The following SCUBE1 variants were observed in gnomAD, a reference collection of about 807,000 sequenced individuals.
SCUBE1 encodes the protein signal peptide, CUB domain and EGF like domain containing 1.
In SCUBE1, 59 loss-of-function variants were observed where a neutral mutation model predicts 124.4. That is an observed-to-expected ratio of 0.47 (90% confidence interval 0.38 to 0.59). SCUBE1 has a LOEUF of 0.59. SCUBE1 is among the 20% of genes least tolerant of loss of function. The pLI is 0.00. For missense variants in SCUBE1, 1,150 were observed against 1,371.2 expected, an observed-to-expected ratio of 0.84 and a Z score of 2.55; for synonymous variants, 545 against 550.9, an observed-to-expected ratio of 0.99 and a Z score of 0.15.
chr22:43,203,340 TA>T lies in SCUBE1; in HGVS notation c.*656del, dbSNP rs1921081956. 1 of 149,824 alleles carries T rather than the reference TA, an allele frequency of 6.7e-6. No individual in the cohort carries two copies. Among genetic ancestry groups the T allele is most frequent in the African/African-American group, 2.4e-5 (1 of 40,982 alleles). 9.3% of individuals were successfully genotyped at this position (149,824 alleles called of 1,614,324 possible). Reference sequence around the variant, plus strand: ...TTACAGTGACCAAAGGGCATTTTCCTAAAGTACCCACAAATAGAAGTATATA... The same window carrying T: ...TTACAGTGACCAAAGGGCATTTTCCTAAGTACCCACAAATAGAAGTATATA... On this transcript the variant is annotated 3_prime_UTR_variant, in exon 22 of 22. Transcript: ENST00000360835.
chr22:43,286,205 C>T (rs1465760809), intron 4 of SCUBE1, among the ~76,000 whole-genome samples: 1 of 152,234 alleles, frequency 6.6e-6, no homozygotes, highest in East Asian at 1.9e-4. Context: ...CCCTACGAAG[C>T]AGGTATTATG....
intron 4 of SCUBE1, among the ~76,000 whole-genome samples, chr22:43,274,129 C>T (rs1472617962): frequency 6.6e-6 from 1 of 152,162 alleles, no homozygotes; most frequent in African/African-American, 2.4e-5. Context: ...AGGTCTTGCA[C>T]CAGAGAAGTC....
At chr22:43,280,298 C>T (rs150335352) in intron 4 of SCUBE1, among the ~76,000 whole-genome samples, 13 of 152,100 alleles carry the variant, frequency 8.5e-5, no homozygotes, top group Non-Finnish European at 1.3e-4. Flanking sequence ...CTATGTGACG[C>T]GGGTAACAGG....
At chr22:43,253,446 T>C (rs1923536023) in intron 6 of SCUBE1, among the ~76,000 whole-genome samples, 2 of 151,994 alleles carry the variant, frequency 1.3e-5, no homozygotes, top group South Asian at 4.2e-4. Flanking sequence ...GGAGGAGAAG[T>C]CTCTTCTGTC....
intron 15 of SCUBE1, among the ~76,000 whole-genome samples, chr22:43,217,187 C>T (rs1050369319): frequency 4.7e-5 from 7 of 149,374 alleles, no homozygotes; most frequent in South Asian, 2.2e-4. Context: ...TCTTCTCCTC[C>T]GGCTTCCCAG....
chr22:43,241,634 G>A (rs573755659), intron 6 of SCUBE1, among the ~76,000 whole-genome samples: 4 of 152,232 alleles, frequency 2.6e-5, no homozygotes, highest in Admixed American at 1.3e-4. Flanking sequence ...AGCCGAAGAC[G>A]AGGAGCCCCC....
chr22:43,295,814 T>C (rs1301583170), intron 3 of SCUBE1, among the ~76,000 whole-genome samples: 1 of 152,222 alleles, frequency 6.6e-6, no homozygotes, highest in Non-Finnish European at 1.5e-5. Context: ...ACACTACCCC[T>C]GAGCTGCCAG....
At chr22:43,245,393 G>A (rs577461500) in intron 6 of SCUBE1, among the ~76,000 whole-genome samples, 1 of 152,330 alleles carries the variant, frequency 6.6e-6, no homozygotes, top group East Asian at 1.9e-4. Flanking sequence ...GGTGCCGGCT[G>A]GGTCTGCCCC....
rs145767429 is a variant in SCUBE1 at position 43,280,491 on chromosome 22, C to CCT, written c.484+10554_484+10555insAG. 2.7e-4 allele frequency among the ~76,000 whole-genome samples: 13 copies of CCT among 48,934 alleles called. 1 individual carries two copies. Among genetic ancestry groups the CCT allele is most frequent in the East Asian group, 6.8e-3 (2 of 292 alleles). The allele number at this position is 48,934 out of a possible 152,430, so 32.1% of individuals were successfully genotyped here. Reference sequence around the variant, plus strand: ...CCTCCCGTCCCTTCCCCTCACCCATCCCCGTCCCTTCCCCTCACCCATCCT... The same window carrying CCT: ...CCTCCCGTCCCTTCCCCTCACCCATCCTCCCGTCCCTTCCCCTCACCCATCCT... On this transcript the variant is annotated intron_variant, in intron 4 of 21. Coordinates refer to ENST00000360835, the MANE Select transcript of SCUBE1 (RefSeq NM_173050.5).
At chr22:43,225,103 C>A (rs1297395069) in intron 10 of SCUBE1, among the ~76,000 whole-genome samples, 1 of 152,100 alleles carries the variant, frequency 6.6e-6, no homozygotes, top group African/African-American at 2.4e-5. Flanking sequence ...TATACCTTGG[C>A]CTCAGTTTCC....
At chr22:43,330,854 G>A (rs1400587258) in intron 2 of SCUBE1, among the ~76,000 whole-genome samples, 1 of 152,190 alleles carries the variant, frequency 6.6e-6, no homozygotes, top group African/African-American at 2.4e-5. Flanking sequence ...CTGCTGGTCT[G>A]CTTGGACTTG....
chr22:43,214,056 C>T (rs1346764035), intron 16 of SCUBE1, 34 bp downstream of exon 16: 2 of 402,798 alleles, frequency 5.0e-6, no homozygotes, highest in Non-Finnish European at 9.0e-6. Context: ...CGCCCACCCC[C>T]CACCCCCACC....
chr22:43,322,950 G>A (rs1926606163), intron 2 of SCUBE1, among the ~76,000 whole-genome samples: 1 of 152,118 alleles, frequency 6.6e-6, no homozygotes, highest in Non-Finnish European at 1.5e-5. Context: ...TCATTTTATG[G>A]TTGAACAAAC....
chr22:43,298,787 T>G (rs1925657875), intron 3 of SCUBE1, among the ~76,000 whole-genome samples: 1 of 152,186 alleles, frequency 6.6e-6, no homozygotes, highest in South Asian at 2.1e-4. Context: ...GCTTGGTGGC[T>G]CACGCCTGTA....
Position 43,280,739 on chromosome 22 carries a change from C to T in SCUBE1, c.484+10307G>A, listed in dbSNP as rs146893540. Among the ~76,000 whole-genome samples the T allele has an allele frequency of 2.6e-3, 188 of 73,700 alleles. 1 individual carries two copies. Among genetic ancestry groups the T allele is most frequent in the East Asian group, 0.024 (29 of 1,212 alleles). 48.4% of individuals were successfully genotyped at this position (73,700 alleles called of 152,430 possible). On this transcript the variant is annotated intron_variant, in intron 4 of 21. Coordinates refer to ENST00000360835, the MANE Select transcript of SCUBE1 (RefSeq NM_173050.5). Reference sequence around the variant, plus strand: ...GCCACCCTCCTGTCACCTTCCTCCTCGGCCACCCTCCTGTCACCTCCCTCA... The same window carrying T: ...GCCACCCTCCTGTCACCTTCCTCCTTGGCCACCCTCCTGTCACCTCCCTCA...
chr22:43,209,895 C>A, intron 19 of SCUBE1, 148 bp downstream of exon 19: 1 of 783,220 alleles, frequency 1.3e-6, no homozygotes, highest in Admixed American at 3.0e-5. Context: ...CCCTGCCTCC[C>A]AGGTGGACTC....
intron 7 of SCUBE1, chr22:43,238,635 A>G (rs887991497): frequency 3.1e-6 from 2 of 652,170 alleles, no homozygotes; most frequent in African/African-American, 3.6e-5. Flanking sequence ...TGTTCTCTCG[A>G]ACTCTGCTGG....
intron 6 of SCUBE1, among the ~76,000 whole-genome samples, chr22:43,247,001 G>A (rs559002589): frequency 2.0e-5 from 3 of 152,306 alleles, no homozygotes; most frequent in South Asian, 2.1e-4. Context: ...GGCACCAGGC[G>A]CTGTTAATCC....
At position 43,203,814 on chromosome 22, in the gene SCUBE1, C is replaced by T. The variant is rs1048277109; in HGVS notation, c.*183G>A. ...GAGGGAGGCTTCCTGAAGCAGGGTG[C>T]TCCCACAGGGGCAGCGGGTCCGAAG... is the stretch of plus-strand genomic sequence containing the variant. On this transcript the variant is annotated 3_prime_UTR_variant, in exon 22 of 22. Transcript: ENST00000360835. 1.0e-5 allele frequency: 6 copies of T among 591,698 alleles called. No individual in the cohort carries two copies. The highest frequency in any genetic ancestry group is 9.5e-5 in the African/African-American group (5 of 52,696). 36.7% of individuals were successfully genotyped at this position (591,698 alleles called of 1,614,324 possible).
Sources: allele counts gnomAD v4.1 joint callset (sites outside exome capture counted in the v4.1 genomes callset), GRCh38; gene constraint gnomAD v4.1.1; transcripts MANE v1.5; gene names NCBI Gene and HGNC (gene_info 2026-07-23, HGNC 2026-07-21).